ASXL3: variants seen among roughly 807,000 people sequenced by gnomAD.
ASXL3 encodes putative Polycomb group protein ASXL3.
A neutral mutation model predicts 170.6 loss-of-function variants in ASXL3; 34 were observed. The ratio of observed to expected loss-of-function variants is 0.20; its 90% CI spans 0.15 to 0.27. The LOEUF (loss-of-function observed/expected upper bound fraction) is 0.27, where lower values mean the gene tolerates loss of function less well. ASXL3 is among the 10% of genes least tolerant of loss of function. The pLI is 1.00. For missense variants in ASXL3, 2,592 were observed against 2,695.3 expected, an observed-to-expected ratio of 0.96 and a Z score of 0.85; for synonymous variants, 1,002 against 989.1, an observed-to-expected ratio of 1.01 and a Z score of -0.24.
At position 33,699,090 on chromosome 18, in the gene ASXL3, A is replaced by G. The variant is rs971428819; in HGVS notation, c.879+15522A>G. ...GAAATGCTACAAAATATAGTCTAAG[A>G]TATCCACTTTTCAAAAGAGAGACAC... On this transcript the variant is annotated intron_variant, in intron 8 of 11. Transcript: ENST00000269197. 3.5e-4 allele frequency among the ~76,000 whole-genome samples: 53 copies of G among 152,316 alleles called. 1 individual carries two copies. The highest frequency in any genetic ancestry group is 3.1e-3 in the Admixed American group (48 of 15,276).
rs763144139 is a variant in ASXL3, at chr18:33,670,745, T to C, written c.550T>C (p.Leu184=). Residue 184 remains leucine (L), a synonymous_variant, in exon 6 of 12, where the codon TTG becomes CTG. Transcript: ENST00000269197. ...MVNKTVPRVV[L]TPLKVSDEQS... Reference sequence around the variant, plus strand: ...AAACAAGACTGTTCCTCGTGTTGTTTTGACACCATTAAAGGTGTCTGATGA... The same window carrying C: ...AAACAAGACTGTTCCTCGTGTTGTTCTGACACCATTAAAGGTGTCTGATGA... 2.6e-6 allele frequency: 4 copies of C among 1,563,592 alleles called. No homozygotes were observed. The South Asian group carries it at 3.6e-5, about 14-fold the overall frequency.
intron 8 of ASXL3, among the ~76,000 whole-genome samples, chr18:33,726,586 A>G (rs2067355195): frequency 1.3e-5 from 2 of 152,314 alleles, no homozygotes; most frequent in South Asian, 4.1e-4. Flanking sequence ...TATTTTCGAT[A>G]GTTTGGATTA....
chr18:33,691,960 A>G (rs2066693103), intron 8 of ASXL3, among the ~76,000 whole-genome samples: 1 of 152,220 alleles, frequency 6.6e-6, no homozygotes. Context: ...CACTTTCTAT[A>G]TGTAGAAGCT....
At chr18:33,686,382 T>C (rs1727755723) in intron 8 of ASXL3, among the ~76,000 whole-genome samples, 2 of 152,210 alleles carry the variant, frequency 1.3e-5, no homozygotes, top group Admixed American at 1.3e-4. Flanking sequence ...AAGTTTAGTA[T>C]AAAACCAGTT....
chr18:33,744,298 A>G lies in ASXL3; in HGVS notation c.4450A>G (p.Ser1484Gly). 1 of 1,613,988 alleles carries G rather than the reference A, an allele frequency of 6.2e-7. No homozygotes were observed. The highest frequency in any genetic ancestry group is 8.5e-7 in the Non-Finnish European group (1 of 1,179,892). ...IVDHSTTLTS[S>G]LSLTVSVESS... ...TGACCACAGCACCACGCTGACCTCCAGTTTGTCTCTGACTGTCTCCGTTGA... is the reference window on the plus strand; with the variant it reads ...TGACCACAGCACCACGCTGACCTCCGGTTTGTCTCTGACTGTCTCCGTTGA... The change falls in exon 12 of 12, where the codon AGT becomes GGT. Residue 1484 changes from serine to glycine, a missense_variant. Around this residue, in one of 4 missense-constraint regions of ASXL3, gnomAD observed 2,246 missense variants for 2,219.6 expected, o/e 1.01. Transcript: ENST00000269197.
intron 8 of ASXL3, among the ~76,000 whole-genome samples, chr18:33,705,507 T>G (rs896655908): frequency 8.6e-5 from 13 of 151,846 alleles, no homozygotes; most frequent in African/African-American, 3.1e-4. Flanking sequence ...AAATCAAGTA[T>G]GAACTCTGTA....
intron 2 of ASXL3, among the ~76,000 whole-genome samples, chr18:33,638,587 G>A (rs2065804212): frequency 6.6e-6 from 1 of 152,198 alleles, no homozygotes; most frequent in South Asian, 2.1e-4. Flanking sequence ...GTTCAAGTTA[G>A]ATTAAATAGA....
chr18:33,731,884 C>T (rs1365719986), intron 8 of ASXL3, 84 bp from the exon 9 acceptor site: 4 of 1,002,712 alleles, frequency 4.0e-6, no homozygotes, highest in African/African-American at 1.6e-5. Flanking sequence ...TGCCCAACAC[C>T]ACTCAATTTT....
intron 2 of ASXL3, among the ~76,000 whole-genome samples, chr18:33,626,451 C>T (rs1176252368): frequency 6.6e-6 from 1 of 151,406 alleles, no homozygotes; most frequent in Non-Finnish European, 1.5e-5. Flanking sequence ...GGAGTCAAGG[C>T]ACATTTTATA....
intron 8 of ASXL3, among the ~76,000 whole-genome samples, chr18:33,712,575 A>ATGAT (rs1243112070): frequency 6.6e-6 from 1 of 152,180 alleles, no homozygotes; most frequent in Non-Finnish European, 1.5e-5. Context: ...AGCTCCTCTG[A>ATGAT]TGATTTTGAA....
At chr18:33,686,255 A>G (rs1250075890) in intron 8 of ASXL3, among the ~76,000 whole-genome samples, 3 of 152,226 alleles carry the variant, frequency 2.0e-5, no homozygotes, top group African/African-American at 4.8e-5. Context: ...TGTGGAGGAT[A>G]CAAGAATGAA....
chr18:33,594,536 AT>A (rs2065107943), intron 1 of ASXL3, among the ~76,000 whole-genome samples: 2 of 152,158 alleles, frequency 1.3e-5, no homozygotes, highest in Non-Finnish European at 2.9e-5. Context: ...TCCAACCCCT[AT>A]TTCATAGCAA....
At chr18:33,664,103 C>T (rs1246087676) in intron 5 of ASXL3, among the ~76,000 whole-genome samples, 3 of 152,068 alleles carry the variant, frequency 2.0e-5, no homozygotes, top group Non-Finnish European at 4.4e-5. Flanking sequence ...ACTGTACTCT[C>T]CATTTTACGT....
chr18:33,607,585 A>C lies in ASXL3; in HGVS notation c.55-9A>C, dbSNP rs770953149. 6.4e-7 allele frequency: 1 copy of C among 1,567,026 alleles called. No homozygotes were observed. Among genetic ancestry groups the C allele is most frequent in the Admixed American group, 1.8e-5 (1 of 54,466 alleles). ...GCAATAATCTAGGAATCTTATGTTT[A>C]TATTTTAGGCACTAGAAAAACACCC... On this transcript the variant is annotated splice_polypyrimidine_tract_variant and intron_variant, in intron 1 of 11. Transcript: ENST00000269197.
At chr18:33,616,586 A>C (rs972707449) in intron 2 of ASXL3, 1 of 152,192 alleles carries the variant, frequency 6.6e-6, no homozygotes, top group Non-Finnish European at 1.5e-5. Context: ...AAGTCCTCCC[A>C]GACTTAATTG....
chr18:33,738,915 T>G lies in ASXL3; in HGVS notation c.1511T>G (p.Met504Arg). 6.2e-7 allele frequency: 1 copy of G among 1,613,580 alleles called. No individual in the cohort carries two copies. The highest frequency in any genetic ancestry group is 8.5e-7 in the Non-Finnish European group (1 of 1,179,698). The part of the protein sequence containing the change: ...PPEDNLESCV[M>R]MNDVLETLPH... ...GAAGATAACTTGGAATCCTGTGTTA[T>G]GATGAATGATGTTTTAGAAACTTTG... is the stretch of plus-strand genomic sequence containing the variant. Residue 504 changes from methionine (M) to arginine (R), a missense_variant, in exon 11 of 12, where the codon ATG (methionine) becomes AGG (arginine). Transcript: ENST00000269197.
chr18:33,640,117 C>G (rs1228947710), intron 2 of ASXL3, among the ~76,000 whole-genome samples: 3 of 151,954 alleles, frequency 2.0e-5, no homozygotes, highest in African/African-American at 7.2e-5. Flanking sequence ...TCTTATGTTA[C>G]TGCACAATAA....
chr18:33,742,855 C>G (rs2067687559), intron 11 of ASXL3, 33 bp from the exon 12 acceptor site: 1 of 1,556,326 alleles, frequency 6.4e-7, no homozygotes, highest in African/African-American at 1.4e-5. Context: ...ATGTATGAAG[C>G]ACATTATATT....
Position 33,745,282 on chromosome 18 carries a change from G to A in ASXL3, c.5434G>A (p.Ala1812Thr), listed in dbSNP as rs2067759580. Residue 1812 changes from alanine to threonine, a missense_variant, in exon 12 of 12, where the codon GCA (alanine) becomes ACA (threonine). Around this residue, in one of 4 missense-constraint regions of ASXL3, gnomAD observed 2,246 missense variants for 2,219.6 expected, o/e 1.01. Transcript: ENST00000269197. ...SPNPDGKGYL[A>T]GTLAPLQMRK... ...AAATCCAGATGGTAAGGGCTACTTG[G>A]CAGGGACTCTGGCACCACTCCAAAT... is the stretch of plus-strand genomic sequence containing the variant. 1 of 1,613,834 alleles carries A rather than the reference G, an allele frequency of 6.2e-7. No individual in the cohort carries two copies. The highest frequency in any genetic ancestry group is 1.3e-5 in the African/African-American group (1 of 74,908).
Sources: gnomAD v4.1 joint callset for allele counts (sites outside exome capture counted in the v4.1 genomes callset) on GRCh38, gnomAD v4.1.1 for gene constraint, gnomAD v4.1.1 regional missense constraint, MANE v1.5 for transcripts, NCBI Gene and HGNC (gene_info 2026-07-23, HGNC 2026-07-21) for gene names.